The following ALPL variants were observed in gnomAD, a reference collection of about 807,000 sequenced individuals.
ALPL encodes the protein alkaline phosphatase, biomineralization associated.
In ALPL, 42 loss-of-function variants were observed where a neutral mutation model predicts 51.3. That is an observed-to-expected ratio of 0.82 (90% CI 0.64 to 1.06). The LOEUF is 1.06. Ranked by LOEUF, ALPL falls within the 50% of genes least tolerant of loss-of-function variation. The probability of loss-of-function intolerance (pLI) is 0.00; values close to 1 mark genes in which losing one functional copy is unlikely to be tolerated. For missense variants in ALPL, 589 were observed against 709.4 expected (o/e 0.83, Z 1.93); for synonymous variants, 279 against 296.4 (o/e 0.94, Z 0.60).
At chr1:21,527,902 C>CT (rs760966831) in intron 1 of ALPL, among the ~76,000 whole-genome samples, 63 of 152,104 alleles carry the variant, frequency 4.1e-4, no homozygotes, top group Non-Finnish European at 7.8e-4. Context: ...CCAGCTCAAT[C>CT]TTTTTTTCCT....
chr1:21,514,631 G>A (rs1643758140), intron 1 of ALPL, among the ~76,000 whole-genome samples: 1 of 152,206 alleles, frequency 6.6e-6, no homozygotes, highest in African/African-American at 2.4e-5. Context: ...CTGCTGTGAT[G>A]TGAGATTCTA....
chr1:21,565,150 C>A (rs1644545263), intron 6 of ALPL, among the ~76,000 whole-genome samples: 1 of 152,188 alleles, frequency 6.6e-6, no homozygotes, highest in Admixed American at 6.5e-5. Flanking sequence ...ACTCACCTGC[C>A]TTCAGCCCTC....
chr1:21,518,346 C>T (rs929801297), intron 1 of ALPL, among the ~76,000 whole-genome samples: 3 of 152,144 alleles, frequency 2.0e-5, no homozygotes, highest in African/African-American at 4.8e-5. Flanking sequence ...AGCCACTCTG[C>T]GAAATGCTTT....
intron 9 of ALPL, among the ~76,000 whole-genome samples, chr1:21,575,509 C>T (rs1182416645): frequency 2.0e-5 from 3 of 152,204 alleles, no homozygotes; most frequent in Admixed American, 2.0e-4. Context: ...TTTGCAGCCC[C>T]CATGCATGTG....
chr1:21,563,055 G>C, intron 4 of ALPL, 55 bp from the exon 5 acceptor site: 1 of 1,604,444 alleles, frequency 6.2e-7, no homozygotes, highest in Non-Finnish European at 8.5e-7. Context: ...AGGCGGGGTG[G>C]GTGCCACTGG....
chr1:21,573,759 C>A lies in ALPL; in HGVS notation c.957C>A (p.Ile319=), dbSNP rs1310593535. ...LSEMVVVAIQ[I]LRKNPKGFFL... ...AGATGGTGGTGGTGGCCATCCAGAT[C>A]CTGCGGAAGAACCCCAAAGGCTTCT... Residue 319 remains isoleucine, a synonymous_variant, in exon 9 of 12, where the codon ATC becomes ATA. Coordinates refer to ENST00000374840, the MANE Select transcript of ALPL (RefSeq NM_000478.6). 1 of 1,614,024 alleles carries A rather than the reference C, an allele frequency of 6.2e-7. No individual in the cohort carries two copies. The highest frequency in any genetic ancestry group is 8.5e-7 in the Non-Finnish European group (1 of 1,180,042).
At chr1:21,561,483 G>C (rs1033208704) in intron 4 of ALPL, among the ~76,000 whole-genome samples, 3 of 152,050 alleles carry the variant, frequency 2.0e-5, no homozygotes, top group Admixed American at 2.0e-4. Context: ...TCCAACTCCT[G>C]GGCTCAAGCC....
intron 8 of ALPL, among the ~76,000 whole-genome samples, chr1:21,571,137 G>A (rs1009115183): frequency 1.6e-4 from 24 of 152,284 alleles, no homozygotes; most frequent in African/African-American, 5.8e-4. Flanking sequence ...TTTGCTCATG[G>A]ATCTTAGAGC....
rs766831104 is a variant in ALPL at position 21,560,724 on chromosome 1, GTCA to G, written c.165_167del (p.Ile55del). 1 of 1,614,150 alleles carries G rather than the reference GTCA, an allele frequency of 6.2e-7. No homozygotes were observed. The highest frequency in any genetic ancestry group is 8.5e-7 in the Non-Finnish European group (1 of 1,180,028). On this transcript the variant is annotated inframe_deletion, in exon 3 of 12. Coordinates refer to ENST00000374840, the MANE Select transcript of ALPL (RefSeq NM_000478.6). ...GCTCAACACCAACGTGGCTAAGAATGTCATCATGTTCCTGGGAGATGGTGAGGC... is the reference window on the plus strand; with the variant it reads ...GCTCAACACCAACGTGGCTAAGAATGTCATGTTCCTGGGAGATGGTGAGGC...
chr1:21,576,118 T>G (rs528688347), intron 10 of ALPL, among the ~76,000 whole-genome samples, 194 bp downstream of exon 10: 99 of 151,910 alleles, frequency 6.5e-4, no homozygotes, highest in African/African-American at 2.3e-3. Flanking sequence ...GGTGGTCGGG[T>G]AGACAGGCAG....
rs1234741995 is a variant in ALPL at position 21,563,302 on chromosome 1, T to C, written c.472+18T>C. On this transcript the variant is annotated intron_variant, in intron 5 of 11. Transcript: ENST00000374840. ...GGACGCTGGTGAGTCGGGGGAGCAG[T>C]GGGGAGCAGGGCCAGCTTCGTGGCC... 3.7e-6 allele frequency: 6 copies of C among 1,603,060 alleles called. No homozygotes were observed. The highest frequency in any genetic ancestry group is 5.1e-6 in the Non-Finnish European group (6 of 1,173,110).
intron 10 of ALPL, among the ~76,000 whole-genome samples, chr1:21,576,281 GGATGGGTGGATGGA>G (rs1644735262): frequency 2.0e-5 from 3 of 149,752 alleles, no homozygotes; most frequent in African/African-American, 7.5e-5. Flanking sequence ...GTGGATGGAT[GGATGGGTGGATGGA>G]TGGATGGATG....
At chr1:21,537,188 GC>G (rs1264584876) in intron 1 of ALPL, among the ~76,000 whole-genome samples, 2 of 152,196 alleles carry the variant, frequency 1.3e-5, no homozygotes, top group Non-Finnish European at 2.9e-5. Context: ...GAGCCACCGT[GC>G]CCGGCCAGGT....
intron 1 of ALPL, among the ~76,000 whole-genome samples, chr1:21,537,388 A>G (rs1242836174): frequency 6.6e-6 from 1 of 152,218 alleles, no homozygotes; most frequent in African/African-American, 2.4e-5. Context: ...GGAGAGGCCA[A>G]CGTGACTGAA....
At chr1:21,536,874 T>A (rs16825522) in intron 1 of ALPL, among the ~76,000 whole-genome samples, 2,840 of 149,856 alleles carry the variant, frequency 0.019, 102 homozygotes, top group African/African-American at 0.066. Flanking sequence ...TACCTTTTGA[T>A]TTGCAAGGTT....
At chr1:21,541,595 G>A (rs964009740) in intron 1 of ALPL, among the ~76,000 whole-genome samples, 1 of 152,230 alleles carries the variant, frequency 6.6e-6, no homozygotes, top group African/African-American at 2.4e-5. Flanking sequence ...AGCTCACCAC[G>A]GTGAGAGGGT....
intron 1 of ALPL, among the ~76,000 whole-genome samples, chr1:21,540,336 T>C (rs1256341): frequency 0.26 from 39,396 of 152,076 alleles, 5,330 homozygotes; most frequent in Middle Eastern, 0.38. Flanking sequence ...CTCCTGCCAC[T>C]AGTCCTCTGG....
intron 2 of ALPL, among the ~76,000 whole-genome samples, chr1:21,555,934 C>T (rs961151254): frequency 6.6e-6 from 1 of 151,276 alleles, no homozygotes; most frequent in African/African-American, 2.4e-5. Context: ...CCACGCGCAG[C>T]TAATTTTTTT....
intron 1 of ALPL, among the ~76,000 whole-genome samples, chr1:21,549,103 C>T (rs111439597): frequency 1.8e-4 from 27 of 152,288 alleles, no homozygotes; most frequent in African/African-American, 6.3e-4. Flanking sequence ...CTTTCTCCAG[C>T]GAGTATGATG....
Sources: gnomAD v4.1 joint callset for allele counts (sites outside exome capture counted in the v4.1 genomes callset) on GRCh38, gnomAD v4.1.1 for gene constraint, MANE v1.5 for transcripts, NCBI Gene and HGNC (gene_info 2026-07-23, HGNC 2026-07-21) for gene names.